The following ABCA1 variants were observed in gnomAD, a reference collection of about 807,000 sequenced individuals.
ABCA1 encodes the protein ATP binding cassette subfamily A member 1.
ABCA1 carries 133 observed loss-of-function variants against 262.5 expected under a neutral mutation model. That is an observed-to-expected ratio of 0.51 (90% confidence interval 0.44 to 0.59). The LOEUF (loss-of-function observed/expected upper bound fraction) is 0.59. Ranked by LOEUF, ABCA1 falls within the 20% of genes least tolerant of loss-of-function variation. The pLI is 0.00. For missense variants in ABCA1, 2,452 were observed against 2,777.5 expected (o/e 0.88, Z 2.63); for synonymous variants, 1,022 against 1,043.5 (o/e 0.98, Z 0.40).
Position 104,823,321 on chromosome 9 carries a change from C to T in ABCA1, c.2657-654G>A, listed in dbSNP as rs184186942. ...TGATAAAATTGCATAGAACTAAATA[C>T]GCACACACACACACAAATGAGCGCA... is the stretch of plus-strand genomic sequence containing the variant. On this transcript the variant is annotated intron_variant, in intron 18 of 49. Coordinates refer to ENST00000374736, the MANE Select transcript of ABCA1 (RefSeq NM_005502.4). Among the ~76,000 whole-genome samples, 772 of 152,148 alleles carry T rather than the reference C, an allele frequency of 5.1e-3. 8 individuals carry two copies. The highest frequency in any genetic ancestry group is 0.018 in the African/African-American group (738 of 41,500).
At position 104,787,986 on chromosome 9, in the gene ABCA1, A is replaced by G; in HGVS notation, c.6138T>C (p.Ser2046=). Residue 2046 remains serine (S), a synonymous_variant, in exon 46 of 50, where the codon AGT becomes AGC. Transcript: ENST00000374736. The part of the protein sequence containing the change: ...KYGEKYAGNY[S]GGNKRKLSTA... Reference sequence around the variant, plus strand: ...TAGAGAGCTTGCGTTTGTTGCCTCCACTATAGTTACCAGCATATTTTTCTC... The same window carrying G: ...TAGAGAGCTTGCGTTTGTTGCCTCCGCTATAGTTACCAGCATATTTTTCTC... 6.2e-7 allele frequency: 1 copy of G among 1,614,196 alleles called. No individual in the cohort carries two copies. Among genetic ancestry groups the G allele is most frequent in the Non-Finnish European group, 8.5e-7 (1 of 1,180,038 alleles).
In ABCA1 at chr9:104,831,767, T is replaced by C. The variant is rs935683226; in HGVS notation, c.1570A>G (p.Met524Val). 1.2e-6 allele frequency: 2 copies of C among 1,614,250 alleles called. No homozygotes were observed. Among genetic ancestry groups the C allele is most frequent in the Non-Finnish European group, 1.7e-6 (2 of 1,180,054 alleles). Reference sequence around the variant, plus strand: ...AACTTCCTCTCATCCAGCAGCTCCATGGACTTGTTGATGAGCCAGACTTCT... The same window carrying C: ...AACTTCCTCTCATCCAGCAGCTCCACGGACTTGTTGATGAGCCAGACTTCT... ...ATEVWLINKS[M>V]ELLDERKFWA... The change falls in exon 13 of 50, where the codon ATG becomes GTG. Residue 524 changes from methionine (M) to valine (V), a missense_variant. By Grantham distance (21) the Met-to-Val change is conservative. This residue lies in a region of ABCA1 where 1,032 missense variants were observed against 1,089.7 expected (regional missense o/e 0.95). Coordinates refer to ENST00000374736, the MANE Select transcript of ABCA1 (RefSeq NM_005502.4).
In ABCA1 at chr9:104,858,486, G is replaced by A. The variant is rs563206900; in HGVS notation, c.720+36C>T. On this transcript the variant is annotated intron_variant, in intron 7 of 49. Transcript: ENST00000374736. Reference sequence around the variant, plus strand: ...AAAGCCTCACATTCCGAAAGCATTAGTGCTTGAAGTTTCTCCAGTGAGCAA... The same window carrying A: ...AAAGCCTCACATTCCGAAAGCATTAATGCTTGAAGTTTCTCCAGTGAGCAA... 2.5e-6 allele frequency: 4 copies of A among 1,606,078 alleles called. No individual in the cohort carries two copies. The African/African-American group carries it at 4.0e-5, about 16-fold the overall frequency.
At chr9:104,846,812 T>C (rs1320045921) in intron 7 of ABCA1, among the ~76,000 whole-genome samples, 2 of 148,568 alleles carry the variant, frequency 1.3e-5, no homozygotes, top group Admixed American at 6.6e-5. Flanking sequence ...CAGACTCAGA[T>C]AGGCCTCTGT....
At chr9:104,858,820 C>T (rs1836077368) in intron 6 of ABCA1, 122 bp from the exon 7 acceptor site, 1 of 968,830 alleles carries the variant, frequency 1.0e-6, no homozygotes, top group Admixed American at 1.8e-5. Flanking sequence ...AAAACAGGTT[C>T]CATTGCAACA....
chr9:104,891,129 T>C (rs1839701924), intron 2 of ABCA1, among the ~76,000 whole-genome samples: 2 of 152,242 alleles, frequency 1.3e-5, no homozygotes, highest in African/African-American at 4.8e-5. Context: ...TAATTGAACC[T>C]TTCTGCTAGG....
At chr9:104,800,068 C>T (rs1219270200) in intron 35 of ABCA1, 80 bp from the exon 36 acceptor site, 17 of 1,499,814 alleles carry the variant, frequency 1.1e-5, no homozygotes, top group Non-Finnish European at 1.6e-5. Flanking sequence ...CCAACCATGC[C>T]CATAAACCTC....
chr9:104,824,314 A>T (rs889042226), intron 18 of ABCA1, 151 bp downstream of exon 18: 1 of 1,465,328 alleles, frequency 6.8e-7, no homozygotes, highest in Non-Finnish European at 9.2e-7. Context: ...ATGGCATGGG[A>T]GGATTTGGAA....
chr9:104,896,711 C>CTTTTTTTT lies in ABCA1; in HGVS notation c.66+6895_66+6902dup, dbSNP rs56710442. Among the ~76,000 whole-genome samples, 56 of 37,004 alleles carry CTTTTTTTT rather than the reference C, an allele frequency of 1.5e-3. 12 individuals carry two copies. The highest frequency in any genetic ancestry group is 3.6e-3 in the African/African-American group (34 of 9,458). 24.3% of individuals were successfully genotyped at this position (37,004 alleles called of 152,430 possible). ...AACTCCAAAATTGCTCCCTACACATCTTTTTTTTTTTTTTTTTTTTTTTTT... is the reference window on the plus strand; with the variant it reads ...AACTCCAAAATTGCTCCCTACACATCTTTTTTTTTTTTTTTTTTTTTTTTTTTTTTTTT... On this transcript the variant is annotated intron_variant, in intron 2 of 49. Transcript: ENST00000374736.
intron 48 of ABCA1, 97 bp from the exon 49 acceptor site, chr9:104,785,736 C>T (rs1445300661): frequency 2.3e-5 from 34 of 1,482,680 alleles, no homozygotes; most frequent in Admixed American, 8.9e-5. Flanking sequence ...TGAAAAAGGG[C>T]GGCCCCTGGC....
chr9:104,885,699 A>T (rs2740495), intron 3 of ABCA1, among the ~76,000 whole-genome samples: 1,579 of 152,290 alleles, frequency 0.01, 13 homozygotes, highest in Non-Finnish European at 0.017. Context: ...TTGCGGCCGT[A>T]ATACATGGAT....
At chr9:104,845,875 CCG>C (rs1834825671) in intron 7 of ABCA1, among the ~76,000 whole-genome samples, 1 of 152,194 alleles carries the variant, frequency 6.6e-6, no homozygotes, top group African/African-American at 2.4e-5. Context: ...ACAACTCTGA[CCG>C]CAAATTCCCA....
intron 23 of ABCA1, 36 bp downstream of exon 23, chr9:104,818,627 A>G (rs767839308): frequency 2.7e-5 from 43 of 1,599,380 alleles, no homozygotes; most frequent in South Asian, 1.4e-4. Context: ...GGCTGCCCAG[A>G]CCCAACACCA....
intron 2 of ABCA1, among the ~76,000 whole-genome samples, chr9:104,897,009 C>T (rs1840289815): frequency 6.6e-6 from 1 of 151,946 alleles, no homozygotes; most frequent in Non-Finnish European, 1.5e-5. Flanking sequence ...GGAATACAGG[C>T]ATGAGCCACC....
intron 5 of ABCA1, among the ~76,000 whole-genome samples, chr9:104,862,928 C>A (rs561946265): frequency 6.6e-6 from 1 of 151,116 alleles, no homozygotes; most frequent in South Asian, 2.1e-4. Context: ...ACATGTGATA[C>A]AAAGCTCCAA....
chr9:104,847,875 TA>T (rs1835031903), intron 7 of ABCA1, among the ~76,000 whole-genome samples: 3 of 152,248 alleles, frequency 2.0e-5, no homozygotes. Context: ...TGTGTATAGA[TA>T]TACTATATGC....
intron 18 of ABCA1, among the ~76,000 whole-genome samples, chr9:104,823,244 A>G (rs931612259): frequency 2.0e-5 from 3 of 152,234 alleles, no homozygotes; most frequent in African/African-American, 7.2e-5. Flanking sequence ...GCTTTGTGAC[A>G]ATGAGATATT....
intron 5 of ABCA1, among the ~76,000 whole-genome samples, chr9:104,864,169 T>C (rs1356462647): frequency 6.6e-6 from 1 of 152,170 alleles, no homozygotes; most frequent in African/African-American, 2.4e-5. Flanking sequence ...CAGTGAAGGG[T>C]AGCTGAATAC....
At chr9:104,854,810 T>C (rs1835694699) in intron 7 of ABCA1, among the ~76,000 whole-genome samples, 1 of 152,244 alleles carries the variant, frequency 6.6e-6, no homozygotes. Context: ...TAAGTGCATT[T>C]ATCCCACAGA....
Sources: allele counts gnomAD v4.1 joint callset (sites outside exome capture counted in the v4.1 genomes callset), GRCh38; gene constraint gnomAD v4.1.1; regional missense constraint gnomAD v4.1.1; transcripts MANE v1.5; gene names NCBI Gene and HGNC (gene_info 2026-07-23, HGNC 2026-07-21).